The following PDE7B variants were observed in gnomAD, a reference collection of about 807,000 sequenced individuals.
PDE7B encodes phosphodiesterase 7B, also known as 3',5'-cyclic-AMP phosphodiesterase 7B.
PDE7B carries 29 observed loss-of-function variants against 56.2 expected under a neutral mutation model. The observed-to-expected ratio is 0.52, with a 90% CI of 0.38 to 0.70. The LOEUF (loss-of-function observed/expected upper bound fraction) is 0.70. Among genes scored for constraint, PDE7B ranks in the 30% least tolerant of loss-of-function variants. PDE7B has a pLI of 0.00. For missense variants in PDE7B, 490 were observed against 565.0 expected (o/e 0.87, Z 1.35); for synonymous variants, 197 against 196.9 (o/e 1.00, Z 0.00).
chr6:136,145,939 C>G (rs1778406227), intron 3 of PDE7B, among the ~76,000 whole-genome samples: 1 of 152,156 alleles, frequency 6.6e-6, no homozygotes, highest in Non-Finnish European at 1.5e-5. Flanking sequence ...CCATTTATTT[C>G]TACTTAGCAC....
At chr6:135,891,482 C>G (rs1303661311) in intron 1 of PDE7B, among the ~76,000 whole-genome samples, 1 of 152,156 alleles carries the variant, frequency 6.6e-6, no homozygotes, top group South Asian at 2.1e-4. Context: ...AACAAGGCAA[C>G]CTTCAGGAGC....
intron 2 of PDE7B, among the ~76,000 whole-genome samples, chr6:135,981,538 CAA>C (rs112390574): frequency 7.3e-6 from 1 of 137,524 alleles, no homozygotes; most frequent in African/African-American, 2.6e-5. Flanking sequence ...TTTTCAATTT[CAA>C]AAAAAAAAAA....
intron 1 of PDE7B, among the ~76,000 whole-genome samples, chr6:135,877,384 A>T (rs868240285): frequency 1.5e-5 from 2 of 131,486 alleles, no homozygotes; most frequent in Admixed American, 8.6e-5. Context: ...TTCACCTTAG[A>T]TATCCTGTAC....
At chr6:135,965,297 C>G (rs1205501453) in intron 2 of PDE7B, among the ~76,000 whole-genome samples, 1 of 152,126 alleles carries the variant, frequency 6.6e-6, no homozygotes, top group African/African-American at 2.4e-5. Flanking sequence ...CAAGGATCTG[C>G]TTGTTCAGGA....
chr6:136,011,771 G>A (rs868021978), intron 2 of PDE7B, among the ~76,000 whole-genome samples: 2 of 152,234 alleles, frequency 1.3e-5, no homozygotes, highest in Non-Finnish European at 2.9e-5. Context: ...ACATTCCAGA[G>A]TGGCTGCACT....
At chr6:136,079,386 T>G (rs1187106887) in intron 2 of PDE7B, among the ~76,000 whole-genome samples, 1 of 152,172 alleles carries the variant, frequency 6.6e-6, no homozygotes, top group Non-Finnish European at 1.5e-5. Context: ...TAGTCATGTG[T>G]GGCTAAACTT....
At chr6:136,072,558 T>C (rs912678987) in intron 2 of PDE7B, 3 of 152,132 alleles carry the variant, frequency 2.0e-5, no homozygotes, top group African/African-American at 4.8e-5. Context: ...CCTTAATCAG[T>C]TTTAAGACAA....
intron 3 of PDE7B, among the ~76,000 whole-genome samples, chr6:136,145,949 C>T (rs545553437): frequency 1.3e-5 from 2 of 152,296 alleles, no homozygotes; most frequent in South Asian, 2.1e-4. Context: ...CTACTTAGCA[C>T]CTTCACCTGA....
At chr6:136,079,260 A>T (rs1398232729) in intron 2 of PDE7B, among the ~76,000 whole-genome samples, 1 of 152,156 alleles carries the variant, frequency 6.6e-6, no homozygotes, top group East Asian at 1.9e-4. Flanking sequence ...TCCATCAAGC[A>T]TGGCAGTACT....
intron 1 of PDE7B, among the ~76,000 whole-genome samples, chr6:135,928,564 T>G (rs1357136116): frequency 7.0e-6 from 1 of 142,096 alleles, no homozygotes; most frequent in Non-Finnish European, 1.5e-5. Context: ...CACCCCTATA[T>G]ATACATATAT....
chr6:136,170,165 C>T (rs1444129689), intron 8 of PDE7B, among the ~76,000 whole-genome samples: 5 of 152,122 alleles, frequency 3.3e-5, no homozygotes, highest in East Asian at 3.9e-4. Context: ...AGTTGAACAT[C>T]GTATGGGTGG....
At chr6:135,874,793 C>T (rs1373669820) in intron 1 of PDE7B, among the ~76,000 whole-genome samples, 1 of 152,138 alleles carries the variant, frequency 6.6e-6, no homozygotes, top group African/African-American at 2.4e-5. Context: ...ATAGTCTATT[C>T]CCTTACTTAT....
intron 2 of PDE7B, among the ~76,000 whole-genome samples, chr6:135,981,864 A>G (rs958917496): frequency 2.0e-5 from 3 of 151,974 alleles, no homozygotes; most frequent in Non-Finnish European, 4.4e-5. Context: ...ATTATCAAAT[A>G]TCATGTGCTG....
At chr6:136,075,353 C>G (rs1001097058) in intron 2 of PDE7B, among the ~76,000 whole-genome samples, 1 of 152,162 alleles carries the variant, frequency 6.6e-6, no homozygotes. Flanking sequence ...ACTGCAGATT[C>G]TCACAAAAAG....
chr6:135,942,644 C>T lies in PDE7B; in HGVS notation c.22-4820C>T, dbSNP rs954536300. ...TTACCAATATTTCTTCAATTTCACC[C>T]TCTAACCTCACAACATCCCAAGCTC... On this transcript the variant is annotated intron_variant, in intron 1 of 12. Transcript: ENST00000308191. Among the ~76,000 whole-genome samples, 3 of 152,074 alleles carry T rather than the reference C, an allele frequency of 2.0e-5. No homozygotes were observed. In the South Asian group the frequency reaches 6.2e-4, roughly 32 times the overall value.
chr6:136,160,337 G>A (rs1404989617), intron 8 of PDE7B, among the ~76,000 whole-genome samples: 1 of 152,118 alleles, frequency 6.6e-6, no homozygotes, highest in Non-Finnish European at 1.5e-5. Flanking sequence ...AGATCTCCAT[G>A]ACCATTTCTG....
intron 3 of PDE7B, among the ~76,000 whole-genome samples, chr6:136,134,087 G>A (rs538272385): frequency 1.2e-4 from 18 of 152,144 alleles, no homozygotes; most frequent in Admixed American, 7.2e-4. Flanking sequence ...GGCTGACATG[G>A]TAGGAGTTGT....
intron 1 of PDE7B, among the ~76,000 whole-genome samples, chr6:135,888,272 C>T (rs1214391120): frequency 6.6e-6 from 1 of 152,150 alleles, no homozygotes; most frequent in African/African-American, 2.4e-5. Context: ...TGCTCAAGGT[C>T]ACACAATTAG....
chr6:135,907,392 AC>A (rs1279550725), intron 1 of PDE7B, among the ~76,000 whole-genome samples: 1 of 152,194 alleles, frequency 6.6e-6, no homozygotes, highest in South Asian at 2.1e-4. Flanking sequence ...CCAAAGAATT[AC>A]AGAGCTTAGT....
Sources: gnomAD v4.1 joint callset for allele counts (sites outside exome capture counted in the v4.1 genomes callset) on GRCh38, gnomAD v4.1.1 for gene constraint, MANE v1.5 for transcripts, NCBI Gene and HGNC (gene_info 2026-07-23, HGNC 2026-07-21) for gene names.